MIOS: variants seen among roughly 807,000 people sequenced by gnomAD.
The protein encoded by MIOS is GATOR2 complex protein MIOS.
In MIOS, 52 loss-of-function variants were observed where a neutral mutation model predicts 96.9. That is an observed-to-expected ratio of 0.54 (90% CI 0.43 to 0.68). MIOS has a LOEUF of 0.68. MIOS is among the 30% of genes least tolerant of loss of function. MIOS has a pLI of 0.00. For missense variants in MIOS, 1,005 were observed against 1,052.8 expected (o/e 0.95, Z 0.63); for synonymous variants, 397 against 359.5 (o/e 1.10, Z -1.18).
chr7:7,584,805 G>A (rs755512909), intron 6 of MIOS, among the ~76,000 whole-genome samples: 11 of 152,104 alleles, frequency 7.2e-5, no homozygotes, highest in East Asian at 1.9e-4. Flanking sequence ...GCTGAACTTC[G>A]GTTAGAAGAC....
Position 7,573,988 on chromosome 7 carries a change from A to G in MIOS, c.1295-110A>G. 1 of 962,314 alleles carries G rather than the reference A, an allele frequency of 1.0e-6. No homozygotes were observed. Among genetic ancestry groups the G allele is most frequent in the Non-Finnish European group, 1.5e-6 (1 of 658,158 alleles). 59.6% of individuals were successfully genotyped at this position (962,314 alleles called of 1,614,324 possible). ...AAAGTGTATCTCTGCAATAGAGTCGAACCACCTTATTTACACTGATACTTA... is the reference window on the plus strand; with the variant it reads ...AAAGTGTATCTCTGCAATAGAGTCGGACCACCTTATTTACACTGATACTTA... On this transcript the variant is annotated intron_variant, in intron 4 of 12. Transcript: ENST00000340080. The surrounding 1 kb of genome is among the most constrained non-coding windows in gnomAD (Gnocchi z 5.0).
intron 5 of MIOS, among the ~76,000 whole-genome samples, chr7:7,581,245 G>C (rs1000347055): frequency 7.9e-5 from 11 of 138,414 alleles, no homozygotes; most frequent in Non-Finnish European, 1.5e-4. Context: ...AGGTTGCAGT[G>C]AGCTGAGATC....
intron 7 of MIOS, among the ~76,000 whole-genome samples, chr7:7,586,155 CGTGT>C (rs10527974): frequency 0.018 from 2,686 of 149,986 alleles, 36 homozygotes; most frequent in Non-Finnish European, 0.024. Flanking sequence ...CACACATGCA[CGTGT>C]GTGTGTGTGT....
At chr7:7,603,179 C>T (rs935783985) in intron 11 of MIOS, among the ~76,000 whole-genome samples, 4 of 151,980 alleles carry the variant, frequency 2.6e-5, no homozygotes, top group African/African-American at 9.7e-5. Flanking sequence ...TCTAAAACAC[C>T]AAAAGCAATG....
chr7:7,592,276 G>A (rs6463704), intron 9 of MIOS, among the ~76,000 whole-genome samples: 144,692 of 152,194 alleles, frequency 0.95, 68,928 homozygotes, highest in East Asian at 1. Context: ...GGCGCAAGCC[G>A]CTGTGCCTGG....
chr7:7,606,871 A>G, intron 12 of MIOS, 125 bp from the exon 13 acceptor site: 1 of 707,966 alleles, frequency 1.4e-6, no homozygotes, highest in South Asian at 1.7e-5. Flanking sequence ...GGATCACTTG[A>G]GCCCAAAAGT....
In MIOS at chr7:7,573,780, C is replaced by T. The variant is rs762332927; in HGVS notation, c.1294+11C>T. ...GGTATACTCTGCACTATATCCTTTTCATTGTGAATTTTGTGAGGTGAATCA... is the reference window on the plus strand; with the variant it reads ...GGTATACTCTGCACTATATCCTTTTTATTGTGAATTTTGTGAGGTGAATCA... On this transcript the variant is annotated intron_variant, in intron 4 of 12. Coordinates refer to ENST00000340080, the MANE Select transcript of MIOS (RefSeq NM_019005.4). The surrounding 1 kb of genome is among the most constrained non-coding windows in gnomAD (Gnocchi z 5.0). 9.0e-6 allele frequency: 14 copies of T among 1,550,806 alleles called. No homozygotes were observed. In the Admixed American group the frequency reaches 2.7e-4, roughly 30 times the overall value.
Position 7,608,591 on chromosome 7 carries a change from A to T in MIOS, c.*1499A>T, listed in dbSNP as rs1371242734. The stretch of plus-strand genomic sequence containing the variant: ...TTTTTTAAAGATTGCTATTAAGGGT[A>T]CTTTTTCCAGCCTTCATTTGAGTAA... On this transcript the variant is annotated 3_prime_UTR_variant, in exon 13 of 13. Coordinates refer to ENST00000340080, the MANE Select transcript of MIOS (RefSeq NM_019005.4). The T allele has an allele frequency of 6.6e-6, 1 of 152,000 alleles. No homozygotes were observed. The highest frequency in any genetic ancestry group is 2.4e-5 in the African/African-American group (1 of 41,416). The allele number at this position is 152,000 out of a possible 1,614,324, so 9.4% of individuals were successfully genotyped here. A position where few individuals can be genotyped will look rare whatever the true frequency, so the allele number is the denominator to read the frequency against.
intron 12 of MIOS, 136 bp from the exon 13 acceptor site, chr7:7,606,860 A>G: frequency 1.6e-6 from 1 of 640,006 alleles, no homozygotes; most frequent in Admixed American, 3.0e-5. Flanking sequence ...CTGAGGCAGG[A>G]GGATCACTTG....
rs556335741 is a variant in MIOS, at chr7:7,574,118, G to C, written c.1315G>C (p.Asp439His). ...TLHFMKQYTE[D>H]MDQKSPGNKG... Reference sequence around the variant, plus strand: ...AATACTTATGAAGCAATACACAGAAGATATGGATCAGAAATCTCCAGGCAA... The same window carrying C: ...AATACTTATGAAGCAATACACAGAACATATGGATCAGAAATCTCCAGGCAA... Residue 439 changes from aspartate to histidine, a missense_variant, in exon 5 of 13, where the codon GAT (aspartate) becomes CAT (histidine). Transcript: ENST00000340080. 2.5e-6 allele frequency: 4 copies of C among 1,609,590 alleles called. No individual in the cohort carries two copies. In the South Asian group the frequency reaches 4.4e-5, roughly 18 times the overall value.
chr7:7,601,875 T>C (rs1784389083), intron 11 of MIOS, among the ~76,000 whole-genome samples: 1 of 152,266 alleles, frequency 6.6e-6, no homozygotes, highest in East Asian at 1.9e-4. Flanking sequence ...TTATCCACCA[T>C]GATCAAGTGG....
At chr7:7,586,853 G>A (rs926919270) in intron 7 of MIOS, among the ~76,000 whole-genome samples, 1 of 152,072 alleles carries the variant, frequency 6.6e-6, no homozygotes, top group Non-Finnish European at 1.5e-5. Context: ...ATGCTTTCAC[G>A]AAGTGTTAGA....
chr7:7,601,133 C>T (rs530440756), intron 11 of MIOS, among the ~76,000 whole-genome samples: 2 of 152,178 alleles, frequency 1.3e-5, no homozygotes, highest in South Asian at 2.1e-4. Context: ...CTAAAATTGA[C>T]ACCCTAACAT....
At chr7:7,604,283 C>T (rs1784464255) in intron 11 of MIOS, among the ~76,000 whole-genome samples, 1 of 152,022 alleles carries the variant, frequency 6.6e-6, no homozygotes, top group Admixed American at 6.6e-5. Context: ...GCTTTGCCTG[C>T]AATCAGAGAT....
chr7:7,588,803 G>T (rs1254937229), intron 8 of MIOS, among the ~76,000 whole-genome samples: 1 of 152,060 alleles, frequency 6.6e-6, no homozygotes, highest in African/African-American at 2.4e-5. Context: ...TTAGTTAGTA[G>T]GTAAAGATGT....
At chr7:7,605,108 T>C (rs1180006518) in intron 11 of MIOS, 1 of 152,166 alleles carries the variant, frequency 6.6e-6, no homozygotes, top group South Asian at 2.1e-4. Flanking sequence ...CCTGCAATGG[T>C]CCAAGCAAAA....
chr7:7,586,349 T>C (rs1783887621), intron 7 of MIOS, among the ~76,000 whole-genome samples: 1 of 152,204 alleles, frequency 6.6e-6, no homozygotes, highest in Non-Finnish European at 1.5e-5. Flanking sequence ...TTATTCTTTT[T>C]CTCTTCTGTT....
Position 7,589,523 on chromosome 7 carries a change from G to A in MIOS, c.2003G>A (p.Arg668Lys), listed in dbSNP as rs778515683. The change falls in exon 9 of 13, where the codon AGA becomes AAA. Residue 668 changes from arginine (R) to lysine (K), a missense_variant. Around this residue, in one of 3 missense-constraint regions of MIOS, gnomAD observed 865 missense variants for 887.9 expected, o/e 0.97. Coordinates refer to ENST00000340080, the MANE Select transcript of MIOS (RefSeq NM_019005.4). ...GACTTAATGGAGAGTTATGTTGATA[G>A]AACTGGAGATGTTCAAACAGCAAGT... is the stretch of plus-strand genomic sequence containing the variant. ...GVDLMESYVD[R>K]TGDVQTASYC... The A allele has an allele frequency of 1.2e-6, 2 of 1,612,786 alleles. No individual in the cohort carries two copies. Among genetic ancestry groups the A allele is most frequent in the Non-Finnish European group, 1.7e-6 (2 of 1,179,188 alleles).
In MIOS at chr7:7,588,567, A is replaced by G; in HGVS notation, c.1884+4A>G. 1 of 1,566,052 alleles carries G rather than the reference A, an allele frequency of 6.4e-7. No individual in the cohort carries two copies. The highest frequency in any genetic ancestry group is 8.7e-7 in the Non-Finnish European group (1 of 1,150,010). ...TAAATTCCTTAGTGATACTCAGGTG[A>G]AAACTGATTTAATTCCACATTTGAA... On this transcript the variant is annotated splice_donor_region_variant and intron_variant, in intron 8 of 12. Coordinates refer to ENST00000340080, the MANE Select transcript of MIOS (RefSeq NM_019005.4).
Sources: gnomAD v4.1 joint callset for allele counts (sites outside exome capture counted in the v4.1 genomes callset) on GRCh38, gnomAD v4.1.1 for gene constraint, gnomAD v4.1.1 regional missense constraint, Gnocchi (gnomAD v3.1) non-coding constraint, MANE v1.5 for transcripts, NCBI Gene and HGNC (gene_info 2026-07-23, HGNC 2026-07-21) for gene names.